Variants in ANK3 observed in about 807,000 individuals in gnomAD.
ANK3 encodes the protein ankyrin-3.
ANK3 carries 57 observed loss-of-function variants against 370.9 expected under a neutral mutation model. The ratio of observed to expected loss-of-function variants is 0.15; its 90% CI spans 0.12 to 0.19. The LOEUF is 0.19. Among genes scored for constraint, ANK3 ranks in the 10% least tolerant of loss-of-function variants. The pLI, the probability that ANK3 is intolerant of heterozygous loss-of-function variation, is 1.00. For missense variants in ANK3, 4,439 were observed against 5,302.1 expected, an observed-to-expected ratio of 0.84 and a Z score of 5.06; for synonymous variants, 1,929 against 1,946.3, an observed-to-expected ratio of 0.99 and a Z score of 0.23.
chr10:60,399,424 G>A (rs1246374208), intron 2 of ANK3, among the ~76,000 whole-genome samples: 1 of 152,122 alleles, frequency 6.6e-6, no homozygotes, highest in African/African-American at 2.4e-5. Flanking sequence ...GTTATTCAGA[G>A]AAAGGGAAGG....
chr10:60,385,240 C>A (rs574527740), intron 1 of ANK3, among the ~76,000 whole-genome samples: 1 of 152,052 alleles, frequency 6.6e-6, no homozygotes, highest in Non-Finnish European at 1.5e-5. Context: ...GTTTCCCACA[C>A]AGCCTAATAG....
At chr10:60,185,164 T>A (rs1009882542) in intron 17 of ANK3, among the ~76,000 whole-genome samples, 1 of 152,118 alleles carries the variant, frequency 6.6e-6, no homozygotes, top group Non-Finnish European at 1.5e-5. Context: ...ATTAAAAAAA[T>A]GTGTTTGCTC....
chr10:60,027,134 T>C lies in ANK3; in HGVS notation c.*2712A>G, dbSNP rs2072439534. 6.6e-6 allele frequency: 1 copy of C among 152,080 alleles called. No homozygotes were observed. The highest frequency in any genetic ancestry group is 1.5e-5 in the Non-Finnish European group (1 of 68,014). 9.4% of individuals were successfully genotyped at this position (152,080 alleles called of 1,614,324 possible). On this transcript the variant is annotated 3_prime_UTR_variant, in exon 44 of 44. Transcript: ENST00000280772. The stretch of plus-strand genomic sequence containing the variant: ...AAATTTTTGGGCATATAAACACAAC[T>C]ATTTAATACCTAAACAGGTATACAT...
chr10:60,687,223 C>A (rs977987937), intron 1 of ANK3, among the ~76,000 whole-genome samples: 101 of 152,230 alleles, frequency 6.6e-4, no homozygotes, highest in African/African-American at 2.2e-3. Context: ...CGCAGTCCAT[C>A]CCCTCTCAAT....
chr10:60,387,189 C>A (rs2062498274), intron 1 of ANK3, among the ~76,000 whole-genome samples: 1 of 151,984 alleles, frequency 6.6e-6, no homozygotes, highest in Non-Finnish European at 1.5e-5. Flanking sequence ...TACAATATTT[C>A]TGCATATGAA....
chr10:60,424,545 T>C (rs1237235406), intron 2 of ANK3, among the ~76,000 whole-genome samples: 1 of 152,030 alleles, frequency 6.6e-6, no homozygotes, highest in Non-Finnish European at 1.5e-5. Context: ...TTAATATGCT[T>C]GGGTTCAGGA....
chr10:60,731,997 G>A (rs1398841859), intron 1 of ANK3, among the ~76,000 whole-genome samples: 2 of 152,222 alleles, frequency 1.3e-5, no homozygotes, highest in African/African-American at 4.8e-5. Context: ...TTGATTCCCT[G>A]AGGATTTTTA....
At chr10:60,044,109 T>C (rs1158725484) in intron 42 of ANK3, 9 of 985,622 alleles carry the variant, frequency 9.1e-6, no homozygotes, top group Non-Finnish European at 3.6e-6. Flanking sequence ...GGGATAACAA[T>C]TCGTCTTAAT....
chr10:60,298,824 G>C (rs1011564366), intron 1 of ANK3, among the ~76,000 whole-genome samples: 2 of 152,070 alleles, frequency 1.3e-5, no homozygotes, highest in Non-Finnish European at 2.9e-5. Context: ...TTTAAGACTC[G>C]TTACAGCAAG....
At chr10:60,468,673 G>T (rs1191893458) in intron 2 of ANK3, among the ~76,000 whole-genome samples, 1 of 151,686 alleles carries the variant, frequency 6.6e-6, no homozygotes, top group Non-Finnish European at 1.5e-5. Flanking sequence ...GTGAACTTTG[G>T]CAGATTTTGC....
At chr10:60,577,249 CTT>C (rs2133274735) in intron 2 of ANK3, among the ~76,000 whole-genome samples, 1 of 152,278 alleles carries the variant, frequency 6.6e-6, no homozygotes, top group East Asian at 1.9e-4. Context: ...CACCAGTACT[CTT>C]TCATTCTCCT....
rs2077661262 is a variant in ANK3 at position 60,574,683 on chromosome 10, C to T, written c.96+40503G>A. 3.3e-5 allele frequency among the ~76,000 whole-genome samples: 5 copies of T among 152,156 alleles called. No homozygotes were observed. The South Asian group carries it at 1.0e-3, about 32-fold the overall frequency. On this transcript the variant is annotated intron_variant, in intron 2 of 43. Transcript: ENST00000373827. ...GCTCATTGACTTCAATCGGGTGAAC[C>T]TTGTTTATTAGTCGTGTGTCTTTTG...
rs1462238033 is a variant in ANK3 at position 60,114,216 on chromosome 10, G to A, written c.2948+9C>T. 1 of 1,548,640 alleles carries A rather than the reference G, an allele frequency of 6.5e-7. No homozygotes were observed. Reference sequence around the variant, plus strand: ...TAGGATAATGAAAAGTGACATTTAGGTTACTTACCCAGAATGAATGGGGCT... The same window carrying A: ...TAGGATAATGAAAAGTGACATTTAGATTACTTACCCAGAATGAATGGGGCT... On this transcript the variant is annotated intron_variant, in intron 26 of 43. Transcript: ENST00000280772.
At chr10:60,575,293 T>C (rs902827784) in intron 2 of ANK3, among the ~76,000 whole-genome samples, 2 of 152,028 alleles carry the variant, frequency 1.3e-5, no homozygotes, top group Admixed American at 1.3e-4. Flanking sequence ...CATTTGTATA[T>C]GTAAGGTTCG....
intron 7 of ANK3, among the ~76,000 whole-genome samples, chr10:60,248,566 A>G (rs1453518936): frequency 1.3e-5 from 2 of 152,232 alleles, no homozygotes; most frequent in African/African-American, 4.8e-5. Flanking sequence ...CCAAGAAACT[A>G]TTTGTTTGAC....
At chr10:60,499,539 T>C (rs1474923448) in intron 2 of ANK3, among the ~76,000 whole-genome samples, 3 of 152,170 alleles carry the variant, frequency 2.0e-5, no homozygotes, top group Non-Finnish European at 4.4e-5. Flanking sequence ...ATTTTACCAT[T>C]TCTGTCCAGA....
intron 2 of ANK3, among the ~76,000 whole-genome samples, chr10:60,536,657 C>CA (rs1186559402): frequency 6.6e-6 from 1 of 151,794 alleles, no homozygotes; most frequent in South Asian, 2.1e-4. Context: ...ATCACATAAA[C>CA]AAAAAAACAC....
At chr10:60,374,279 A>C (rs2060486562) in intron 1 of ANK3, among the ~76,000 whole-genome samples, 3 of 152,144 alleles carry the variant, frequency 2.0e-5, no homozygotes, top group Non-Finnish European at 4.4e-5. Context: ...ACTTTTCATC[A>C]GATGTCTTCA....
At chr10:60,352,253 G>T (rs552813089) in intron 1 of ANK3, among the ~76,000 whole-genome samples, 1 of 152,236 alleles carries the variant, frequency 6.6e-6, no homozygotes, top group East Asian at 1.9e-4. Context: ...CTGTGATCAC[G>T]CCACTGTACT....
Sources: gnomAD v4.1 joint callset for allele counts (sites outside exome capture counted in the v4.1 genomes callset) on GRCh38, gnomAD v4.1.1 for gene constraint, MANE v1.5 for transcripts, NCBI Gene and HGNC (gene_info 2026-07-23, HGNC 2026-07-21) for gene names.